The following CCDC125 variants were observed in gnomAD, a reference collection of about 807,000 sequenced individuals.
The protein encoded by CCDC125 is coiled-coil domain containing 125.
Under a neutral mutation model 57.4 loss-of-function variants are expected in CCDC125, and 43 were observed. The ratio of observed to expected loss-of-function variants is 0.75; its 90% CI spans 0.59 to 0.97. The LOEUF is 0.97. Ranked by LOEUF, CCDC125 falls within the 50% of genes least tolerant of loss-of-function variation. The pLI, the probability that CCDC125 is intolerant of heterozygous loss-of-function variation, is 0.00. For synonymous variants in CCDC125, 187 were observed against 195.2 expected (o/e 0.96, Z 0.35); for missense variants, 563 against 595.7 (o/e 0.95, Z 0.57).
At chr5:69,287,605 C>A (rs1401765774) in intron 10 of CCDC125, among the ~76,000 whole-genome samples, 3 of 151,500 alleles carry the variant, frequency 2.0e-5, no homozygotes, top group Middle Eastern at 3.4e-3. Context: ...GGTCTTGCTC[C>A]ATCACCCAGG....
chr5:69,320,077 C>A (rs749875953), intron 2 of CCDC125, among the ~76,000 whole-genome samples, 160 bp downstream of exon 2: 1 of 151,954 alleles, frequency 6.6e-6, no homozygotes, highest in Non-Finnish European at 1.5e-5. Flanking sequence ...GCCGAGATCG[C>A]GTGCCACTGC....
Position 69,320,360 on chromosome 5 carries a change from G to A in CCDC125, c.181C>T (p.Pro61Ser). The change falls in exon 2 of 12, where the codon CCA becomes TCA. Residue 61 changes from proline (P) to serine (S), a missense_variant. By Grantham distance (74) the Pro-to-Ser change is moderately conservative. Transcript: ENST00000396496. ...RSDGKNFSPP[P>S]FPRKGEERNE... ...CTTTCTTCTCCCTTTCTCGGAAATGGAGGAGGGCTAAAGTTCTTTCCATCT... is the reference window on the plus strand; with the variant it reads ...CTTTCTTCTCCCTTTCTCGGAAATGAAGGAGGGCTAAAGTTCTTTCCATCT... The A allele has an allele frequency of 6.2e-7, 1 of 1,614,118 alleles. No individual in the cohort carries two copies. The highest frequency in any genetic ancestry group is 8.5e-7 in the Non-Finnish European group (1 of 1,179,994).
intron 11 of CCDC125, among the ~76,000 whole-genome samples, 161 bp from the exon 12 acceptor site, chr5:69,283,195 A>G (rs1368462718): frequency 6.6e-6 from 1 of 150,884 alleles, no homozygotes; most frequent in Non-Finnish European, 1.5e-5. Context: ...ATCCCCAAAC[A>G]TTATACTACA....
chr5:69,279,267 G>A (rs1451070920), downstream of CCDC125, among the ~76,000 whole-genome samples: 2 of 148,712 alleles, frequency 1.3e-5, no homozygotes, highest in Non-Finnish European at 1.5e-5. Flanking sequence ...GCACGATCTC[G>A]GCTCACTGCA....
At chr5:69,295,532 C>A (rs1755163872) in intron 8 of CCDC125, among the ~76,000 whole-genome samples, 1 of 152,088 alleles carries the variant, frequency 6.6e-6, no homozygotes, top group Non-Finnish European at 1.5e-5. Flanking sequence ...TAGAGAGTAA[C>A]CCTCTTCCTC....
intron 1 of CCDC125, among the ~76,000 whole-genome samples, chr5:69,330,850 A>G (rs1028091925): frequency 6.6e-6 from 1 of 152,128 alleles, no homozygotes. Flanking sequence ...GGCTAGCCTG[A>G]TAATTTCCTA....
chr5:69,318,089 C>T (rs912894712), intron 2 of CCDC125, among the ~76,000 whole-genome samples: 1 of 140,182 alleles, frequency 7.1e-6, no homozygotes, highest in Non-Finnish European at 1.5e-5. Context: ...TCACGTGATT[C>T]TCCTGCCTCA....
chr5:69,332,223 A>AGT (rs1761505071), intron 1 of CCDC125, among the ~76,000 whole-genome samples: 1 of 152,368 alleles, frequency 6.6e-6, no homozygotes, highest in East Asian at 1.9e-4. Context: ...TTAGATGTAC[A>AGT]GTAAATTGCA....
chr5:69,285,619 A>G (rs1340087212), intron 10 of CCDC125, 152 bp from the exon 11 acceptor site: 2 of 744,426 alleles, frequency 2.7e-6, no homozygotes, highest in Admixed American at 3.2e-5. Flanking sequence ...AGCCAGGAGC[A>G]ATGCAGGTGA....
rs1754578601 is a variant in CCDC125 at position 69,292,272 on chromosome 5, C to G, written c.1015G>C (p.Asp339His). 3 of 1,613,426 alleles carry G rather than the reference C, an allele frequency of 1.9e-6. No homozygotes were observed. In the Admixed American group the frequency reaches 5.0e-5, roughly 27 times the overall value. ...ATTTGTGTCAATTGTAGTGCCTGGTCATTTTTTCTCATTAATTGTTGCTCA... is the reference window on the plus strand; with the variant it reads ...ATTTGTGTCAATTGTAGTGCCTGGTGATTTTTTCTCATTAATTGTTGCTCA... ...AFEQQLMRKN[D>H]QALQLTQMDK... The change falls in exon 10 of 12, where the codon GAC becomes CAC. Residue 339 changes from aspartate (D) to histidine (H), a missense_variant. Asp to His is a moderately conservative substitution (Grantham distance 81). Coordinates refer to ENST00000396496, the MANE Select transcript of CCDC125 (RefSeq NM_176816.5).
At chr5:69,275,916 A>G (rs1418359842), downstream of CCDC125, among the ~76,000 whole-genome samples, 3 of 152,230 alleles carry the variant, frequency 2.0e-5, no homozygotes, top group Non-Finnish European at 4.4e-5. Context: ...CGTCATGTAT[A>G]TGCAAATATT....
chr5:69,326,143 CAG>C (rs1760711825), intron 1 of CCDC125, among the ~76,000 whole-genome samples: 1 of 152,120 alleles, frequency 6.6e-6, no homozygotes. Context: ...GGCCCAGAGA[CAG>C]ATTTTTAATC....
At chr5:69,284,988 T>A (rs775584503) in intron 11 of CCDC125, among the ~76,000 whole-genome samples, 7 of 151,976 alleles carry the variant, frequency 4.6e-5, no homozygotes, top group Non-Finnish European at 1.0e-4. Flanking sequence ...TCCCAGCTAC[T>A]CTAGAGGCTG....
At chr5:69,330,141 T>A (rs541694611) in intron 1 of CCDC125, among the ~76,000 whole-genome samples, 3 of 152,256 alleles carry the variant, frequency 2.0e-5, no homozygotes, top group Middle Eastern at 3.4e-3. Context: ...GAAATAGAAA[T>A]CTGATCCTCC....
intron 10 of CCDC125, among the ~76,000 whole-genome samples, chr5:69,286,187 ACTATATATATAT>A (rs1561402132): frequency 1.9e-5 from 1 of 53,962 alleles, no homozygotes; most frequent in South Asian, 6.2e-4. Flanking sequence ...CAAATGGTAA[ACTATATATATAT>A]ATATATATAT....
At chr5:69,330,668 C>T (rs1298929280) in intron 1 of CCDC125, among the ~76,000 whole-genome samples, 1 of 152,116 alleles carries the variant, frequency 6.6e-6, no homozygotes, top group Non-Finnish European at 1.5e-5. Flanking sequence ...GCAAATGCAT[C>T]AACTATGCTC....
At chr5:69,330,703 G>A (rs1761310635) in intron 1 of CCDC125, among the ~76,000 whole-genome samples, 1 of 152,086 alleles carries the variant, frequency 6.6e-6, no homozygotes, top group South Asian at 2.1e-4. Context: ...GCAAAACTTT[G>A]GAATTGTTTT....
In CCDC125 at chr5:69,281,107, T is replaced by C. The variant is rs1456745230; in HGVS notation, c.*1622A>G. 6.6e-6 allele frequency: 1 copy of C among 152,230 alleles called. No homozygotes were observed. Among genetic ancestry groups the C allele is most frequent in the East Asian group, 1.9e-4 (1 of 5,202 alleles). 9.4% of individuals were successfully genotyped at this position (152,230 alleles called of 1,614,324 possible). On this transcript the variant is annotated 3_prime_UTR_variant, in exon 12 of 12. Transcript: ENST00000396496. Reference sequence around the variant, plus strand: ...CATTTGTTTTCATACACAGCAGCAATTAGTAGCCATTTAAGATATCTGTGC... The same window carrying C: ...CATTTGTTTTCATACACAGCAGCAACTAGTAGCCATTTAAGATATCTGTGC...
the CCDC125 span, among the ~76,000 whole-genome samples, chr5:69,273,645 A>G: frequency 6.6e-6 from 1 of 152,232 alleles, no homozygotes; most frequent in Non-Finnish European, 1.5e-5. Flanking sequence ...AAGACCTAGA[A>G]TAACTTAGGG....
Sources: gnomAD v4.1 joint callset for allele counts (sites outside exome capture counted in the v4.1 genomes callset) on GRCh38, gnomAD v4.1.1 for gene constraint, MANE v1.5 for transcripts, NCBI Gene and HGNC (gene_info 2026-07-23, HGNC 2026-07-21) for gene names.